The following ELAPOR1 variants were observed in gnomAD, a reference collection of about 807,000 sequenced individuals.
ELAPOR1 encodes endosome/lysosome-associated apoptosis and autophagy regulator 1.
A neutral mutation model predicts 119.7 loss-of-function variants in ELAPOR1; 77 were observed. The ratio of observed to expected loss-of-function variants is 0.64; its 90% CI spans 0.54 to 0.78. ELAPOR1 has a LOEUF of 0.78. Among genes scored for constraint, ELAPOR1 ranks in the 30% least tolerant of loss-of-function variants. The probability of loss-of-function intolerance (pLI) is 0.00; values close to 1 mark genes in which losing one functional copy is unlikely to be tolerated. For synonymous variants in ELAPOR1, 481 were observed against 487.2 expected (o/e 0.99, Z 0.17); for missense variants, 1,115 against 1,270.4 (o/e 0.88, Z 1.86).
At chr1:109,170,898 G>T (rs978083487) in intron 3 of ELAPOR1, among the ~76,000 whole-genome samples, 2 of 152,184 alleles carry the variant, frequency 1.3e-5, no homozygotes, top group African/African-American at 4.8e-5. Flanking sequence ...AGATAAAACA[G>T]ACATGACCAG....
In ELAPOR1 at chr1:109,197,654, G is replaced by A. The variant is rs1377910092; in HGVS notation, c.2302G>A (p.Gly768Arg). 1 of 1,613,244 alleles carries A rather than the reference G, an allele frequency of 6.2e-7. No homozygotes were observed. The highest frequency in any genetic ancestry group is 8.5e-7 in the Non-Finnish European group (1 of 1,179,624). ...TGTCAGCCTTGCTGATCGACTTATT[G>A]GTGAGTAACTCCGCTGCCTCAGCCT... is the stretch of plus-strand genomic sequence containing the variant. ...QPVSLADRLIGVTTDMTLDGI... is the reference protein window; with the variant it reads ...QPVSLADRLIRVTTDMTLDGI... Residue 768 changes from glycine to arginine, a missense_variant and splice_region_variant, in exon 16 of 22, where the codon GGG becomes AGG. Physicochemically the swap from Gly to Arg is moderately radical, Grantham distance 125. Transcript: ENST00000369939.
At chr1:109,116,688 T>TC (rs887206152) in intron 1 of ELAPOR1, among the ~76,000 whole-genome samples, 3 of 114,166 alleles carry the variant, frequency 2.6e-5, no homozygotes, top group African/African-American at 9.4e-5. Context: ...TTCTTTTTTT[T>TC]TTTTTTTTTT....
At chr1:109,147,170 C>T (rs1348440313) in intron 1 of ELAPOR1, among the ~76,000 whole-genome samples, 1 of 151,960 alleles carries the variant, frequency 6.6e-6, no homozygotes, top group Non-Finnish European at 1.5e-5. Context: ...CCCACCTCAG[C>T]CTCCCAAAGT....
chr1:109,162,548 C>T (rs868172079), intron 2 of ELAPOR1, among the ~76,000 whole-genome samples: 2 of 152,184 alleles, frequency 1.3e-5, no homozygotes, highest in African/African-American at 2.4e-5. Flanking sequence ...CCCCAGCACC[C>T]GCCTCTGTGA....
chr1:109,154,543 C>G (rs866849319), intron 1 of ELAPOR1, among the ~76,000 whole-genome samples: 1 of 152,172 alleles, frequency 6.6e-6, no homozygotes, highest in Non-Finnish European at 1.5e-5. Flanking sequence ...CCCTGAGGAC[C>G]TTCGCAGCCT....
intron 1 of ELAPOR1, among the ~76,000 whole-genome samples, chr1:109,119,701 C>A (rs540510646): frequency 1.0e-3 from 152 of 152,132 alleles, no homozygotes; most frequent in Non-Finnish European, 1.9e-3. Context: ...GAATATTCCA[C>A]GATTTAAAAA....
intron 1 of ELAPOR1, among the ~76,000 whole-genome samples, chr1:109,134,681 G>A (rs750830099): frequency 2.6e-5 from 4 of 152,090 alleles, no homozygotes; most frequent in Non-Finnish European, 5.9e-5. Flanking sequence ...AAAGCCCTGC[G>A]GAGCTGAGCT....
intron 3 of ELAPOR1, among the ~76,000 whole-genome samples, chr1:109,165,473 G>T (rs141541117): frequency 7.3e-5 from 11 of 151,714 alleles, no homozygotes; most frequent in African/African-American, 2.7e-4. Flanking sequence ...TGATCTCAGC[G>T]ACTCGGGAGG....
intron 3 of ELAPOR1, among the ~76,000 whole-genome samples, chr1:109,168,207 T>C (rs1297864025): frequency 2.6e-5 from 4 of 152,160 alleles, no homozygotes; most frequent in Admixed American, 1.3e-4. Flanking sequence ...TAAAAATCCC[T>C]TCCTCAAAGA....
Position 109,191,649 on chromosome 1 carries a change from C to A in ELAPOR1, c.1546-77C>A, listed in dbSNP as rs558317666. 7.6e-6 allele frequency: 12 copies of A among 1,579,476 alleles called. No homozygotes were observed. In the African/African-American group the frequency reaches 1.5e-4, roughly 19 times the overall value. The stretch of plus-strand genomic sequence containing the variant: ...AAGGGTCTCACCAACCGTGATGGCA[C>A]CTGGGATGGCAGCCACATGGGCACC... On this transcript the variant is annotated intron_variant, in intron 12 of 21. Transcript: ENST00000369939.
chr1:109,171,559 A>C (rs1490170066), intron 3 of ELAPOR1, among the ~76,000 whole-genome samples: 2 of 152,026 alleles, frequency 1.3e-5, no homozygotes, highest in Non-Finnish European at 2.9e-5. Context: ...CTCAAAAAAA[A>C]AAAGATGTTA....
intron 1 of ELAPOR1, among the ~76,000 whole-genome samples, chr1:109,125,703 C>T (rs950432572): frequency 1.3e-5 from 2 of 152,170 alleles, no homozygotes; most frequent in Admixed American, 6.5e-5. Context: ...GTTTTTAATC[C>T]TGCACAATCT....
chr1:109,193,442 C>T lies in ELAPOR1; in HGVS notation c.1947+568C>T, dbSNP rs368703862. 4.4e-4 allele frequency among the ~76,000 whole-genome samples: 67 copies of T among 151,866 alleles called. 2 individuals carry two copies. The East Asian group carries it at 6.8e-3, about 15-fold the overall frequency. ...TGAGGTGGGAAGATCACTTGAGCCC[C>T]GGGGTTCAAGGTTGTAATGAGCCGT... On this transcript the variant is annotated intron_variant, in intron 14 of 21. Coordinates refer to ENST00000369939, the MANE Select transcript of ELAPOR1 (RefSeq NM_020775.5).
chr1:109,140,685 C>T (rs1228164447), intron 1 of ELAPOR1, among the ~76,000 whole-genome samples: 1 of 152,132 alleles, frequency 6.6e-6, no homozygotes, highest in African/African-American at 2.4e-5. Flanking sequence ...GGATTGTATA[C>T]AAGGGCACCG....
Position 109,197,615 on chromosome 1 carries a change from GT to G in ELAPOR1, c.2266del (p.Ser756ProfsTer14). 6.2e-7 allele frequency: 1 copy of G among 1,614,184 alleles called. No individual in the cohort carries two copies. The highest frequency in any genetic ancestry group is 8.5e-7 in the Non-Finnish European group (1 of 1,180,046). On this transcript the variant is annotated frameshift_variant, in exon 16 of 22. Coordinates refer to ENST00000369939, the MANE Select transcript of ELAPOR1 (RefSeq NM_020775.5). LOFTEE classifies it high-confidence loss of function. ...PPEVTGYKAG[V>X]SSQPVSLADR... ...AGAGGTGACAGGCTACAAGGCCGGG[GT>G]TTCCTCACAGCCTGTCAGCCTTGCT...
chr1:109,191,670 G>T (rs952584565), intron 12 of ELAPOR1, 56 bp from the exon 13 acceptor site: 2 of 1,604,350 alleles, frequency 1.2e-6, no homozygotes, highest in African/African-American at 2.7e-5. Flanking sequence ...AGCCACATGG[G>T]CACCCACTTC....
At position 109,202,955 on chromosome 1, in the gene ELAPOR1, T is replaced by C; in HGVS notation, c.2985T>C (p.Asp995=). The C allele has an allele frequency of 6.2e-7, 1 of 1,613,828 alleles. No individual in the cohort carries two copies. The highest frequency in any genetic ancestry group is 8.5e-7 in the Non-Finnish European group (1 of 1,179,904). Residue 995 remains aspartate, a synonymous_variant, in exon 22 of 22, where the codon GAT becomes GAC. Transcript: ENST00000369939. The stretch of plus-strand genomic sequence containing the variant: ...CATCTCTCTTTCAGAGGACTCCTGA[T>C]GGATTTGACTCAGTGCCGCTGAAGA... ...IKSFTSKRTP[D]GFDSVPLKTS...
chr1:109,167,309 A>T (rs1369016771), intron 3 of ELAPOR1, among the ~76,000 whole-genome samples: 1 of 152,072 alleles, frequency 6.6e-6, no homozygotes, highest in African/African-American at 2.4e-5. Context: ...TTTCCACCGC[A>T]CGGACTATTT....
chr1:109,191,471 G>A lies in ELAPOR1; in HGVS notation c.1545G>A (p.Val515=). 6.2e-7 allele frequency: 1 copy of A among 1,613,080 alleles called. No individual in the cohort carries two copies. ...CSVNCELYFM[V]GVNSRTNTPV... is the part of the protein sequence containing the mutation. ...TGAACTGTGAGCTCTACTTCATGGT[G>A]GTACGTTTTCCTTTCTTTGCCCGCT... The change falls in exon 12 of 22, where the codon GTG becomes GTA. Residue 515 remains valine, a splice_region_variant and synonymous_variant. Transcript: ENST00000369939.
Sources: allele counts gnomAD v4.1 joint callset (sites outside exome capture counted in the v4.1 genomes callset), GRCh38; gene constraint gnomAD v4.1.1; transcripts MANE v1.5; gene names NCBI Gene and HGNC (gene_info 2026-07-23, HGNC 2026-07-21).